The following SPATA13 variants were observed in gnomAD, a reference collection of about 807,000 sequenced individuals.
SPATA13 encodes spermatogenesis-associated protein 13.
SPATA13 carries 50 observed loss-of-function variants against 104.0 expected under a neutral mutation model. The observed-to-expected ratio is 0.48, with a 90% CI of 0.38 to 0.61. The LOEUF is 0.61. Ranked by LOEUF, SPATA13 falls within the 20% of genes least tolerant of loss-of-function variation. The pLI, the probability that SPATA13 is intolerant of heterozygous loss-of-function variation, is 0.00. For synonymous variants in SPATA13, 606 were observed against 667.5 expected, an observed-to-expected ratio of 0.91 and a Z score of 1.42; for missense variants, 1,524 against 1,690.6, an observed-to-expected ratio of 0.90 and a Z score of 1.73.
intron 1 of SPATA13, among the ~76,000 whole-genome samples, chr13:24,162,140 C>A (rs913587472): frequency 6.6e-6 from 1 of 152,166 alleles, no homozygotes; most frequent in Non-Finnish European, 1.5e-5. Context: ...GTCTTATTAT[C>A]CCATATCCTA....
chr13:24,279,412 T>A (rs919262851), intron 4 of SPATA13, among the ~76,000 whole-genome samples: 1 of 151,996 alleles, frequency 6.6e-6, no homozygotes, highest in African/African-American at 2.4e-5. Flanking sequence ...CACAATCCAG[T>A]CTAGGAATGG....
At chr13:24,042,540 T>A (rs139066784) in intron 3 of SPATA13, among the ~76,000 whole-genome samples, 130 of 152,290 alleles carry the variant, frequency 8.5e-4, no homozygotes, top group Middle Eastern at 3.4e-3. Flanking sequence ...GTGGACTAAC[T>A]CACATCTCAG....
At position 24,286,771 on chromosome 13, in the gene SPATA13, G is replaced by A; in HGVS notation, c.2488G>A (p.Val830Met). 6.2e-7 allele frequency: 1 copy of A among 1,613,670 alleles called. No individual in the cohort carries two copies. The highest frequency in any genetic ancestry group is 8.5e-7 in the Non-Finnish European group (1 of 1,179,916). Reference protein sequence around the residue: ...WFPASFVRLRVNQEELSENSS... With the variant: ...WFPASFVRLRMNQEELSENSS... ...CCCTGTATGTGGGTTGCAGTTGCGAGTGAATCAGGAAGAGCTGTCGGAAAA... is the reference window on the plus strand; with the variant it reads ...CCCTGTATGTGGGTTGCAGTTGCGAATGAATCAGGAAGAGCTGTCGGAAAA... Residue 830 changes from valine to methionine, a missense_variant, in exon 7 of 13, where the codon GTG (valine) becomes ATG (methionine). By Grantham distance (21) the Val-to-Met change is conservative. Transcript: ENST00000382108. The surrounding 1 kb of genome is among the most constrained non-coding windows in gnomAD (Gnocchi z 4.9).
At position 24,088,108 on chromosome 13, in the gene SPATA13, T is replaced by A. The variant is rs974300862; in HGVS notation, c.-112+70407T>A. Among the ~76,000 whole-genome samples, 1 of 152,230 alleles carries A rather than the reference T, an allele frequency of 6.6e-6. No individual in the cohort carries two copies. The highest frequency in any genetic ancestry group is 2.4e-5 in the African/African-American group (1 of 41,460). The stretch of plus-strand genomic sequence containing the variant: ...AGATGAAAGTCCTGGGGTCACACAC[T>A]TCTGGACTTGTGGTCCTCACTCATT... On this transcript the variant is annotated intron_variant, in intron 3 of 14. Coordinates refer to the SPATA13 transcript ENST00000424834. This position sits in a 1 kb window ranked among gnomAD's most constrained non-coding sequence, Gnocchi z 4.3.
intron 2 of SPATA13, among the ~76,000 whole-genome samples, chr13:24,247,490 T>TTTTTTTTC (rs1439953909): frequency 1.4e-5 from 2 of 139,524 alleles, no homozygotes; most frequent in South Asian, 4.9e-4. Flanking sequence ...TTTTTTTTTT[T>TTTTTTTTC]TTTTTTTGAG....
At position 24,289,106 on chromosome 13, in the gene SPATA13, G is replaced by A; in HGVS notation, c.2775G>A (p.Leu925=). The change falls in exon 8 of 13, where the codon CTG becomes CTA. Residue 925 remains leucine (L), a synonymous_variant. Coordinates refer to ENST00000382108, the MANE Select transcript of SPATA13 (RefSeq NM_001166271.3). The stretch of plus-strand genomic sequence containing the variant: ...TTTACAAATTCCAAAGAAAGTTTCT[G>A]AAAGACCTTGAGAAACAGTACAACA... ...EDIYKFQRKF[L]KDLEKQYNKE... 6.2e-7 allele frequency: 1 copy of A among 1,613,618 alleles called. No homozygotes were observed. The highest frequency in any genetic ancestry group is 8.5e-7 in the Non-Finnish European group (1 of 1,179,824).
intron 2 of SPATA13, among the ~76,000 whole-genome samples, chr13:24,237,973 C>T (rs7324255): frequency 0.6 from 83,500 of 139,792 alleles, 25,797 homozygotes; most frequent in East Asian, 0.76. Flanking sequence ...TTTAAATATG[C>T]AATATATAAA....
At chr13:24,121,503 A>G (rs1881028704) in intron 3 of SPATA13, among the ~76,000 whole-genome samples, 1 of 152,206 alleles carries the variant, frequency 6.6e-6, no homozygotes, top group South Asian at 2.1e-4. Flanking sequence ...GCTACAATAA[A>G]TGACCAATAA....
rs529246450 is a variant in SPATA13, at chr13:24,145,998, G to T, written c.-111-76821G>T. On this transcript the variant is annotated intron_variant, in intron 3 of 14. Transcript: ENST00000424834. ...GCCAATCTGTCTGCAGCTGAATGTG[G>T]TGAGGAGTGGCAGACACTTGGACTG... 1.7e-3 allele frequency among the ~76,000 whole-genome samples: 264 copies of T among 152,322 alleles called. 1 individual carries two copies. Among genetic ancestry groups the T allele is most frequent in the African/African-American group, 6.2e-3 (256 of 41,572 alleles).
chr13:24,266,650 C>T (rs1874309785), intron 4 of SPATA13, among the ~76,000 whole-genome samples: 2 of 152,120 alleles, frequency 1.3e-5, no homozygotes, highest in East Asian at 1.9e-4. Context: ...TGGATATCTC[C>T]ACTCCTACCT....
At chr13:24,013,963 G>A (rs1037577981) in intron 2 of SPATA13, among the ~76,000 whole-genome samples, 5 of 152,086 alleles carry the variant, frequency 3.3e-5, no homozygotes, top group Non-Finnish European at 7.4e-5. Flanking sequence ...GTACTGACTC[G>A]ATGTGCAAGT....
At position 24,145,722 on chromosome 13, in the gene SPATA13, G is replaced by A. The variant is rs145420370; in HGVS notation, c.-111-77097G>A. Among the ~76,000 whole-genome samples, 242 of 152,326 alleles carry A rather than the reference G, an allele frequency of 1.6e-3. 1 individual carries two copies. The highest frequency in any genetic ancestry group is 5.5e-3 in the African/African-American group (227 of 41,560). Reference sequence around the variant, plus strand: ...AAACATAGCTCAGGTGGAGAGAATTGTGCATGATCAATAAATAGAGAACGG... The same window carrying A: ...AAACATAGCTCAGGTGGAGAGAATTATGCATGATCAATAAATAGAGAACGG... On this transcript the variant is annotated intron_variant, in intron 3 of 14. Transcript: ENST00000424834.
chr13:24,200,451 G>C (rs7992761), intron 1 of SPATA13, among the ~76,000 whole-genome samples: 54,873 of 151,860 alleles, frequency 0.36, 11,003 homozygotes, highest in East Asian at 0.71. Flanking sequence ...TATGCACTGC[G>C]CAACCTGAAA....
chr13:24,016,461 C>T (rs1372829724), intron 2 of SPATA13, among the ~76,000 whole-genome samples: 3 of 152,234 alleles, frequency 2.0e-5, no homozygotes, highest in Admixed American at 6.5e-5. Context: ...GAATTGGGAG[C>T]GTCCTTTGGT....
intron 3 of SPATA13, among the ~76,000 whole-genome samples, chr13:24,120,621 T>C (rs1881003575): frequency 6.6e-6 from 1 of 152,322 alleles, no homozygotes; most frequent in Non-Finnish European, 1.5e-5. Context: ...GGGACAGTAG[T>C]ATTATCCAGT....
At chr13:24,169,639 A>G (rs1214739135) in intron 1 of SPATA13, among the ~76,000 whole-genome samples, 1 of 152,206 alleles carries the variant, frequency 6.6e-6, no homozygotes, top group Non-Finnish European at 1.5e-5. Context: ...GGTCTGGCAC[A>G]GGTGCCCAGT....
In SPATA13 at chr13:24,051,561, A is replaced by G. The variant is rs1416433728; in HGVS notation, c.-112+33860A>G. On this transcript the variant is annotated intron_variant, in intron 3 of 14. Transcript: ENST00000424834. The surrounding 1 kb of genome is among the most constrained non-coding windows in gnomAD (Gnocchi z 4.2). ...AGTGGGTGGTCCATAGAAGGAAGCC[A>G]GGGAGTAAATGCTTCCTCCGTCTCC... Among the ~76,000 whole-genome samples, 1 of 152,070 alleles carries G rather than the reference A, an allele frequency of 6.6e-6. No homozygotes were observed. The highest frequency in any genetic ancestry group is 1.5e-5 in the Non-Finnish European group (1 of 68,004).
rs79478800 is a variant in SPATA13 at position 24,072,935 on chromosome 13, A to G, written c.-112+55234A>G. The stretch of plus-strand genomic sequence containing the variant: ...AGATGACTCCAGCCCATATGTGAAA[A>G]CCAGGTAAACTCGCAAACTCTATAT... On this transcript the variant is annotated intron_variant, in intron 3 of 14. Coordinates refer to the SPATA13 transcript ENST00000424834. 3.7e-3 allele frequency among the ~76,000 whole-genome samples: 553 copies of G among 150,670 alleles called. 14 individuals carry two copies. In the East Asian group the frequency reaches 0.064, roughly 17 times the overall value.
rs1453470828 is a variant in SPATA13, at chr13:24,160,734, G to A, written c.-310G>A. 6.1e-6 allele frequency: 6 copies of A among 985,546 alleles called. No individual in the cohort carries two copies. In the African/African-American group the frequency reaches 7.0e-5, roughly 11 times the overall value. The allele number at this position is 985,546 out of a possible 1,614,324, so 61.1% of individuals were successfully genotyped here. On this transcript the variant is annotated 5_prime_UTR_variant, in exon 1 of 13. Coordinates refer to ENST00000382108, the MANE Select transcript of SPATA13 (RefSeq NM_001166271.3). ...GTGGCTTGGCTGAGTGTGCTGCCGC[G>A]GCGCGGGAGGAGAGTGTGCGTTGCG...
Sources: gnomAD v4.1 joint callset for allele counts (sites outside exome capture counted in the v4.1 genomes callset) on GRCh38, gnomAD v4.1.1 for gene constraint, Gnocchi (gnomAD v3.1) non-coding constraint, MANE v1.5 for transcripts, NCBI Gene and HGNC (gene_info 2026-07-23, HGNC 2026-07-21) for gene names.